The following STARD8 variants were observed in gnomAD, a reference collection of about 807,000 sequenced individuals.
The protein encoded by STARD8 is stAR-related lipid transfer protein 8.
STARD8 carries 25 observed loss-of-function variants against 69.4 expected under a neutral mutation model. The observed-to-expected ratio is 0.36, with a 90% CI of 0.26 to 0.50. The LOEUF is 0.50. Among genes scored for constraint, STARD8 ranks in the 20% least tolerant of loss-of-function variants. STARD8 has a pLI of 0.96. For synonymous variants in STARD8, 389 were observed against 374.6 expected (o/e 1.04, Z -0.45); for missense variants, 921 against 932.5 (o/e 0.99, Z 0.16).
At chrX:68,697,033 C>T (rs1345181442) in intron 2 of STARD8, among the ~76,000 whole-genome samples, 1 of 111,737 alleles carries the variant, frequency 8.9e-6, no homozygotes, top group Non-Finnish European at 1.9e-5. Context: ...CCAATCCTGC[C>T]CTGTCCATAC....
intron 2 of STARD8, among the ~76,000 whole-genome samples, chrX:68,697,055 T>A (rs1310340812): frequency 8.9e-6 from 1 of 111,988 alleles, no homozygotes; most frequent in Non-Finnish European, 1.9e-5. Flanking sequence ...CTTATCTACA[T>A]CATGCCCTTG....
At chrX:68,723,367 G>A (rs1255849868) in intron 12 of STARD8, among the ~76,000 whole-genome samples, 1 of 112,438 alleles carries the variant, frequency 8.9e-6, no homozygotes, top group East Asian at 2.8e-4. Flanking sequence ...ATCATGGTAG[G>A]GCCTGAGAGG....
intron 2 of STARD8, among the ~76,000 whole-genome samples, chrX:68,682,929 C>T (rs761294229): frequency 8.9e-6 from 1 of 111,965 alleles, no homozygotes; most frequent in African/African-American, 3.3e-5. Flanking sequence ...ATCTTTGCCA[C>T]AGAGTGTGGC....
At chrX:68,668,115 G>GTCTTTCTT (rs1259688569) in intron 2 of STARD8, among the ~76,000 whole-genome samples, 3 of 24,220 alleles carry the variant, frequency 1.2e-4, no homozygotes, top group African/African-American at 4.0e-4. Flanking sequence ...CTTTCTTTCT[G>GTCTTTCTT]TCTTTCTTTC....
chrX:68,648,478 G>A (rs1054942003), intron 1 of STARD8, among the ~76,000 whole-genome samples: 1 of 111,343 alleles, frequency 9.0e-6, no homozygotes, highest in Admixed American at 9.5e-5. Context: ...AGACAAAAAA[G>A]GGCTGGACAC....
At chrX:68,715,780 C>T (rs1222476278) in intron 4 of STARD8, among the ~76,000 whole-genome samples, 1 of 111,784 alleles carries the variant, frequency 8.9e-6, no homozygotes, top group Non-Finnish European at 1.9e-5. Context: ...CACCCTACTC[C>T]CAGATCGATC....
intron 1 of STARD8, among the ~76,000 whole-genome samples, chrX:68,660,573 C>T (rs986008841): frequency 8.0e-5 from 9 of 112,297 alleles, no homozygotes; most frequent in African/African-American, 2.3e-4. Context: ...CTTCAGCCCA[C>T]ATACCATCCT....
intron 2 of STARD8, among the ~76,000 whole-genome samples, chrX:68,683,128 C>A (rs774260608): frequency 8.9e-6 from 1 of 112,093 alleles, no homozygotes; most frequent in African/African-American, 3.2e-5. Flanking sequence ...CTTGTCACTG[C>A]CCTCAAGGAG....
intron 3 of STARD8, among the ~76,000 whole-genome samples, chrX:68,713,544 G>A (rs933885624): frequency 4.5e-5 from 5 of 111,327 alleles, no homozygotes; most frequent in African/African-American, 1.6e-4. Context: ...TCACTTCCCA[G>A]TCCTCATCTT....
At chrX:68,684,274 C>T (rs1032561018) in intron 2 of STARD8, among the ~76,000 whole-genome samples, 1 of 112,623 alleles carries the variant, frequency 8.9e-6, no homozygotes, top group Non-Finnish European at 1.9e-5. Flanking sequence ...TAAATAACCT[C>T]GAAGGTCCTT....
At chrX:68,687,199 A>G (rs1414882401) in intron 2 of STARD8, among the ~76,000 whole-genome samples, 1 of 110,324 alleles carries the variant, frequency 9.1e-6, no homozygotes, top group African/African-American at 3.3e-5. Context: ...CCCACTCTGT[A>G]CCCCAGGTGC....
intron 1 of STARD8, among the ~76,000 whole-genome samples, chrX:68,652,041 A>G (rs1031586220): frequency 5.8e-5 from 6 of 103,866 alleles, no homozygotes; most frequent in South Asian, 4.5e-4. Context: ...TATTTTTAGT[A>G]GAGACAGGGT....
rs192221418 is a variant in STARD8 at position 68,662,037 on chromosome X, C to T, written c.46-3462C>T. Among the ~76,000 whole-genome samples the T allele has an allele frequency of 8.2e-4, 73 of 89,123 alleles. No individual in the cohort carries two copies. The East Asian group carries it at 0.021, about 26-fold the overall frequency. 77.4% of individuals were successfully genotyped at this position (89,123 alleles called of 115,157 possible). A position where few individuals can be genotyped will look rare whatever the true frequency, so the allele number is the denominator to read the frequency against. ...CTTTCTTTCTTTCTTTTTGGAGTTT[C>T]GCTCTTGTTGCCCAGGCTGGAGTGC... is the stretch of plus-strand genomic sequence containing the variant. On this transcript the variant is annotated intron_variant, in intron 1 of 14. Transcript: ENST00000374599.
intron 13 of STARD8, 50 bp from the exon 14 acceptor site, chrX:68,723,895 G>A: frequency 8.3e-7 from 1 of 1,207,136 alleles, no homozygotes; most frequent in South Asian, 1.8e-5. Flanking sequence ...GGAGAAGTGG[G>A]GTGGAAACCA....
intron 2 of STARD8, among the ~76,000 whole-genome samples, chrX:68,681,829 C>T (rs2079802761): frequency 9.0e-6 from 1 of 111,108 alleles, no homozygotes; most frequent in Non-Finnish European, 1.9e-5. Flanking sequence ...TCTCTCTTCC[C>T]CTCTCACCAC....
chrX:68,650,938 A>G (rs1489628532), intron 1 of STARD8, among the ~76,000 whole-genome samples: 1 of 112,977 alleles, frequency 8.9e-6, no homozygotes, highest in Non-Finnish European at 1.9e-5. Context: ...CACAGAGGAC[A>G]TACACGTGCA....
chrX:68,688,750 G>A (rs1262906899), intron 2 of STARD8, among the ~76,000 whole-genome samples: 1 of 108,720 alleles, frequency 9.2e-6, no homozygotes, highest in Non-Finnish European at 1.9e-5. Flanking sequence ...CCCCTTCCCT[G>A]CCTTTCCCCC....
In STARD8 at chrX:68,721,811, T is replaced by C; in HGVS notation, c.2459+65T>C. The C allele has an allele frequency of 6.4e-6, 7 of 1,087,541 alleles. No individual in the cohort carries two copies. In the East Asian group the frequency reaches 2.2e-4, roughly 33 times the overall value. The allele number at this position is 1,087,541 out of a possible 1,213,427, so 89.6% of individuals were successfully genotyped here. A position where few individuals can be genotyped will look rare whatever the true frequency, so the allele number is the denominator to read the frequency against. On this transcript the variant is annotated intron_variant, in intron 10 of 14. Coordinates refer to ENST00000374599, the MANE Select transcript of STARD8 (RefSeq NM_001142503.3). ...AGACAATTTGGGCCCCACTGGACTT[T>C]TGGCTTTTGATGGCTGGCACTGCTG...
intron 1 of STARD8, among the ~76,000 whole-genome samples, chrX:68,657,828 G>A (rs188637159): frequency 3.6e-5 from 4 of 110,942 alleles, no homozygotes; most frequent in African/African-American, 6.6e-5. Context: ...GTTCTCGGGG[G>A]TGGAAGAGAT....
Sources: allele counts gnomAD v4.1 joint callset (sites outside exome capture counted in the v4.1 genomes callset), GRCh38; gene constraint gnomAD v4.1.1; transcripts MANE v1.5; gene names NCBI Gene and HGNC (gene_info 2026-07-23, HGNC 2026-07-21).